The following SYT3 variants were observed in gnomAD, a reference collection of about 807,000 sequenced individuals.
SYT3 encodes synaptotagmin 3.
SYT3 carries 25 observed loss-of-function variants against 50.6 expected under a neutral mutation model. That is an observed-to-expected ratio of 0.49 (90% CI 0.36 to 0.69). The LOEUF (loss-of-function observed/expected upper bound fraction) is 0.69, where lower values mean the gene tolerates loss of function less well. SYT3 is among the 30% of genes least tolerant of loss of function. The pLI is 0.00. For missense variants in SYT3, 589 were observed against 793.6 expected, an observed-to-expected ratio of 0.74 and a Z score of 3.10; for synonymous variants, 323 against 353.9, an observed-to-expected ratio of 0.91 and a Z score of 0.98.
intron 2 of SYT3, chr19:50,638,171 C>G (rs1984556598): frequency 6.6e-6 from 1 of 152,340 alleles, no homozygotes; most frequent in Non-Finnish European, 1.5e-5. Flanking sequence ...AGGGAGGGCT[C>G]TCCCAAACCT....
upstream of SYT3, among the ~76,000 whole-genome samples, chr19:50,644,407 G>C (rs747927797): frequency 6.6e-6 from 1 of 152,060 alleles, no homozygotes; most frequent in Non-Finnish European, 1.5e-5. Context: ...TGAAGAGTTA[G>C]AGTGGGGATG....
the SYT3 span, among the ~76,000 whole-genome samples, chr19:50,654,613 CCCTTCCTT>C: frequency 6.7e-5 from 10 of 149,136 alleles, no homozygotes; most frequent in South Asian, 4.3e-4. Context: ...CTCCCTCCCT[CCCTTCCTT>C]CCTTCCTTCC....
At chr19:50,649,789 T>G in the SYT3 span, 1 of 564,706 alleles carries the variant, frequency 1.8e-6, no homozygotes, top group Non-Finnish European at 3.4e-6. Context: ...GAGGCCATTC[T>G]TCTCCTAGGT....
At chr19:50,640,866 G>A (rs1984653625), upstream of SYT3, among the ~76,000 whole-genome samples, 3 of 152,176 alleles carry the variant, frequency 2.0e-5, no homozygotes, top group South Asian at 6.2e-4. Flanking sequence ...ACATAGCCTG[G>A]AGAGGTGGCT....
chr19:50,625,676 G>T lies in SYT3; in HGVS notation c.1403-112C>A. The T allele has an allele frequency of 7.1e-7, 1 of 1,415,778 alleles. No homozygotes were observed. Among genetic ancestry groups the T allele is most frequent in the Middle Eastern group, 2.5e-4 (1 of 4,074 alleles). 87.7% of individuals were successfully genotyped at this position (1,415,778 alleles called of 1,614,324 possible). A position where few individuals can be genotyped will look rare whatever the true frequency, so the allele number is the denominator to read the frequency against. ...CAGACCCAGAGGTCCGGGGCCCCAG[G>T]CCCCCAGTCCCTCCTTCCTCAGGCC... On this transcript the variant is annotated intron_variant, in intron 7 of 10. Coordinates refer to ENST00000600079, the MANE Select transcript of SYT3 (RefSeq NM_001160329.2). This position sits in a 1 kb window ranked among gnomAD's most constrained non-coding sequence, Gnocchi z 7.5.
the SYT3 span, among the ~76,000 whole-genome samples, chr19:50,645,301 G>A: frequency 2.6e-5 from 4 of 152,184 alleles, no homozygotes; most frequent in Non-Finnish European, 4.4e-5. Flanking sequence ...GAGGGAAGTC[G>A]GTCGGAGTAA....
chr19:50,642,070 TG>T (rs1325083442), upstream of SYT3, among the ~76,000 whole-genome samples: 1 of 152,160 alleles, frequency 6.6e-6, no homozygotes, highest in African/African-American at 2.4e-5. Flanking sequence ...CCCCCAGAAA[TG>T]CCTCCCAGGT....
upstream of SYT3, among the ~76,000 whole-genome samples, chr19:50,643,687 A>G (rs930241997): frequency 6.6e-6 from 1 of 151,506 alleles, no homozygotes; most frequent in Non-Finnish European, 1.5e-5. Context: ...ATACTTTCTG[A>G]GCACCTAATG....
chr19:50,649,126 G>C, the SYT3 span, among the ~76,000 whole-genome samples: 4 of 150,428 alleles, frequency 2.7e-5, no homozygotes, highest in Admixed American at 6.6e-5. Context: ...GAGGAGGCAG[G>C]GGGGCAGAGA....
At chr19:50,648,997 G>T in the SYT3 span, among the ~76,000 whole-genome samples, 1 of 151,706 alleles carries the variant, frequency 6.6e-6, no homozygotes, top group Non-Finnish European at 1.5e-5. Context: ...AGGGACGGGG[G>T]CCTGGGGAGA....
rs1984526766 is a variant in SYT3 at position 50,637,302 on chromosome 19, T to C, written c.110A>G (p.Asn37Ser). Reference sequence around the variant, plus strand: ...CCGGGGATAGCCTCGGATTCGGTCATTGAACTCCTGGCACCTGTCGTTGGT... The same window carrying C: ...CCGGGGATAGCCTCGGATTCGGTCACTGAACTCCTGGCACCTGTCGTTGGT... ...ADTNDRCQEF[N>S]DRIRGYPRGP... The change falls in exon 3 of 11, where the codon AAT becomes AGT. Residue 37 changes from asparagine (N) to serine (S), a missense_variant. Asn to Ser is a conservative substitution (Grantham distance 46, BLOSUM62 1). Transcript: ENST00000600079. This position sits in a 1 kb window ranked among gnomAD's most constrained non-coding sequence, Gnocchi z 4.9. The C allele has an allele frequency of 2.5e-6, 4 of 1,613,388 alleles. No homozygotes were observed. The highest frequency in any genetic ancestry group is 3.4e-6 in the Non-Finnish European group (4 of 1,179,886).
chr19:50,642,129 T>C (rs918202465), upstream of SYT3, among the ~76,000 whole-genome samples: 1 of 152,208 alleles, frequency 6.6e-6, no homozygotes, highest in Non-Finnish European at 1.5e-5. Context: ...CAGATGGATG[T>C]GTGTTTACAT....
chr19:50,653,682 GCACACACACACACACA>G, the SYT3 span, among the ~76,000 whole-genome samples: 1,420 of 121,914 alleles, frequency 0.012, 29 homozygotes, highest in African/African-American at 0.032. Flanking sequence ...ATGAGAGACA[GCACACACACACACACA>G]CACACACACA....
In SYT3 at chr19:50,630,106, T is replaced by C; in HGVS notation, c.740A>G (p.Glu247Gly). 1 of 1,608,802 alleles carries C rather than the reference T, an allele frequency of 6.2e-7. No homozygotes were observed. The highest frequency in any genetic ancestry group is 8.5e-7 in the Non-Finnish European group (1 of 1,177,050). ...TLTSQPDPSS[E>G]ERPPALPLPL... ...TAAGGGCAGGGCAGGTGGCCGCTCC[T>C]CACTGCTGGGGTCCGGCTGGGAGGT... is the stretch of plus-strand genomic sequence containing the variant. Residue 247 changes from glutamate to glycine, a missense_variant, in exon 5 of 11, where the codon GAG (glutamate) becomes GGG (glycine). Physicochemically the swap from Glu to Gly is moderately conservative, Grantham distance 98. Coordinates refer to ENST00000600079, the MANE Select transcript of SYT3 (RefSeq NM_001160329.2).
intron 6 of SYT3, among the ~76,000 whole-genome samples, chr19:50,628,477 G>C (rs1984154809): frequency 6.6e-6 from 1 of 152,154 alleles, no homozygotes; most frequent in Non-Finnish European, 1.5e-5. Flanking sequence ...GGGGGATCAA[G>C]CTATCAGCAT....
the SYT3 span, chr19:50,649,932 T>G: frequency 2.3e-6 from 1 of 437,610 alleles, no homozygotes; most frequent in Non-Finnish European, 4.6e-6. Context: ...CCTCCCACAA[T>G]TCCCTCCCAC....
chr19:50,658,064 C>T, the SYT3 span: 429 of 1,535,870 alleles, frequency 2.8e-4, no homozygotes, highest in Admixed American at 3.9e-4. Flanking sequence ...GGAGAGCGGG[C>T]GCGTGAGCAG....
intron 3 of SYT3, among the ~76,000 whole-genome samples, chr19:50,634,940 G>A (rs1261437124): frequency 6.6e-6 from 1 of 151,504 alleles, no homozygotes; most frequent in Non-Finnish European, 1.5e-5. Context: ...AGGCTGGAGT[G>A]CAGTGATGTG....
In SYT3 at chr19:50,625,135, A is replaced by AG. The variant is rs747262127; in HGVS notation, c.1707+26dup. On this transcript the variant is annotated intron_variant, in intron 9 of 10. Coordinates refer to ENST00000600079, the MANE Select transcript of SYT3 (RefSeq NM_001160329.2). The surrounding 1 kb of genome is among the most constrained non-coding windows in gnomAD (Gnocchi z 7.5). ...GGCCGAGGGTGCACGGGTGCTTGTC[A>AG]GGGGTCGGTGTGGGACCCCTACTCA... The AG allele has an allele frequency of 6.5e-7, 1 of 1,537,396 alleles. No homozygotes were observed. The highest frequency in any genetic ancestry group is 1.2e-5 in the South Asian group (1 of 84,388).
Sources: gnomAD v4.1 joint callset for allele counts (sites outside exome capture counted in the v4.1 genomes callset) on GRCh38, gnomAD v4.1.1 for gene constraint, Gnocchi (gnomAD v3.1) non-coding constraint, MANE v1.5 for transcripts, NCBI Gene and HGNC (gene_info 2026-07-23, HGNC 2026-07-21) for gene names.